The following COL14A1 variants were observed in gnomAD, a reference collection of about 807,000 sequenced individuals.
The protein encoded by COL14A1 is collagen alpha-1(XIV) chain.
A neutral mutation model predicts 230.3 loss-of-function variants in COL14A1; 136 were observed. The ratio of observed to expected loss-of-function variants is 0.59; its 90% CI spans 0.51 to 0.68. COL14A1 has a LOEUF of 0.68. Among genes scored for constraint, COL14A1 ranks in the 30% least tolerant of loss-of-function variants. The pLI is 0.00. For synonymous variants in COL14A1, 792 were observed against 784.1 expected, an observed-to-expected ratio of 1.01 and a Z score of -0.17; for missense variants, 1,976 against 2,215.8, an observed-to-expected ratio of 0.89 and a Z score of 2.17.
chr8:120,243,907 T>C lies in COL14A1; in HGVS notation c.2378T>C (p.Leu793Pro). 10 of 1,613,596 alleles carry C rather than the reference T, an allele frequency of 6.2e-6. No individual in the cohort carries two copies. The highest frequency in any genetic ancestry group is 8.5e-6 in the Non-Finnish European group (10 of 1,179,624). Residue 793 changes from leucine (L) to proline (P), a missense_variant, in exon 20 of 48, where the codon CTC (leucine) becomes CCC (proline). Transcript: ENST00000297848. Reference sequence around the variant, plus strand: ...ATGGTGCCTGGAAGCCAGAACAACCTCCTTCTGAAGCCTCTGCTTCCTGAT... The same window carrying C: ...ATGGTGCCTGGAAGCCAGAACAACCCCCTTCTGAAGCCTCTGCTTCCTGAT... ...TVMVPGSQNN[L>P]LLKPLLPDTE...
intron 20 of COL14A1, 120 bp downstream of exon 20, chr8:120,244,128 C>G: frequency 8.3e-7 from 1 of 1,201,308 alleles, no homozygotes; most frequent in Non-Finnish European, 1.1e-6. Flanking sequence ...GATTTGGGAA[C>G]AGGAAATCTG....
At chr8:120,184,968 C>T (rs966127307) in intron 5 of COL14A1, among the ~76,000 whole-genome samples, 1 of 152,134 alleles carries the variant, frequency 6.6e-6, no homozygotes, top group Non-Finnish European at 1.5e-5. Context: ...GCAGGCACCC[C>T]ATGGCCTAGT....
chr8:120,194,129 C>T (rs947324798), intron 5 of COL14A1, among the ~76,000 whole-genome samples: 16 of 152,336 alleles, frequency 1.1e-4, no homozygotes, highest in African/African-American at 3.6e-4. Flanking sequence ...CAGAAATCAC[C>T]TGTCTTCTGC....
At chr8:120,265,649 G>GTA (rs1033631605) in intron 24 of COL14A1, among the ~76,000 whole-genome samples, 28 of 151,798 alleles carry the variant, frequency 1.8e-4, no homozygotes, top group African/African-American at 6.8e-4. Flanking sequence ...ATATGTGTGT[G>GTA]TGTGTGTGTA....
chr8:120,229,679 A>G (rs1416386115), intron 18 of COL14A1, among the ~76,000 whole-genome samples: 1 of 152,170 alleles, frequency 6.6e-6, no homozygotes. Flanking sequence ...TCCCTGAGGA[A>G]TCGCCACACT....
chr8:120,361,810 C>CG (rs953304113), intron 45 of COL14A1, among the ~76,000 whole-genome samples: 85 of 151,986 alleles, frequency 5.6e-4, no homozygotes, highest in Admixed American at 1.4e-3. Context: ...GTGGTGTGGT[C>CG]GGGGGGGCCA....
intron 1 of COL14A1, among the ~76,000 whole-genome samples, chr8:120,134,665 A>C (rs549592357): frequency 1.1e-4 from 16 of 152,288 alleles, no homozygotes; most frequent in African/African-American, 3.9e-4. Context: ...TAAATACAAA[A>C]ATTTCTCATA....
chr8:120,181,884 G>A (rs572533445), intron 5 of COL14A1, among the ~76,000 whole-genome samples: 36 of 152,204 alleles, frequency 2.4e-4, no homozygotes, highest in African/African-American at 8.2e-4. Flanking sequence ...CCCGGGAGGC[G>A]GAGGTTGCAG....
At chr8:120,167,191 A>T (rs1297708113) in intron 4 of COL14A1, among the ~76,000 whole-genome samples, 1 of 152,156 alleles carries the variant, frequency 6.6e-6, no homozygotes, top group African/African-American at 2.4e-5. Flanking sequence ...AAACCATTTC[A>T]GCAAAGGGAT....
At chr8:120,143,460 A>C (rs1206753810) in intron 1 of COL14A1, among the ~76,000 whole-genome samples, 1 of 152,064 alleles carries the variant, frequency 6.6e-6, no homozygotes, top group Non-Finnish European at 1.5e-5. Context: ...CTGCTAAAAA[A>C]AATATAATAC....
At chr8:120,300,929 T>A (rs1418363850) in intron 36 of COL14A1, 111 bp downstream of exon 36, 1 of 825,542 alleles carries the variant, frequency 1.2e-6, no homozygotes, top group Non-Finnish European at 2.0e-6. Context: ...CTCACTTAAT[T>A]GTAGGAATGC....
rs1820091314 is a variant in COL14A1 at position 120,283,178 on chromosome 8, T to C, written c.3825-458T>C. Reference sequence around the variant, plus strand: ...CTTAATTTTGGAAGGTGGATCTGGATGGTGCAACACAGATGGGAATGCAAT... The same window carrying C: ...CTTAATTTTGGAAGGTGGATCTGGACGGTGCAACACAGATGGGAATGCAAT... On this transcript the variant is annotated intron_variant, in intron 31 of 47. Coordinates refer to ENST00000297848, the MANE Select transcript of COL14A1 (RefSeq NM_021110.4). 2.0e-5 allele frequency among the ~76,000 whole-genome samples: 3 copies of C among 152,162 alleles called. No individual in the cohort carries two copies. The South Asian group carries it at 6.2e-4, about 32-fold the overall frequency.
intron 40 of COL14A1, 35 bp downstream of exon 40, chr8:120,316,032 T>C: frequency 6.2e-7 from 1 of 1,607,820 alleles, no homozygotes; most frequent in Non-Finnish European, 8.5e-7. Context: ...TTTAGCAAAG[T>C]AGTGACCTTT....
At chr8:120,303,129 A>G (rs1820766051) in intron 36 of COL14A1, among the ~76,000 whole-genome samples, 1 of 152,142 alleles carries the variant, frequency 6.6e-6, no homozygotes, top group Non-Finnish European at 1.5e-5. Flanking sequence ...TAGCTGAAGG[A>G]GCTTTTGGGC....
chr8:120,257,947 G>T (rs546947033), intron 23 of COL14A1, among the ~76,000 whole-genome samples: 3 of 152,028 alleles, frequency 2.0e-5, no homozygotes, highest in Non-Finnish European at 2.9e-5. Flanking sequence ...AACCACAACC[G>T]CTGGTCAACT....
rs1378590990 is a variant in COL14A1 at position 120,250,784 on chromosome 8, T to C, written c.2752+18T>C. 5 of 1,613,514 alleles carry C rather than the reference T, an allele frequency of 3.1e-6. No individual in the cohort carries two copies. Among genetic ancestry groups the C allele is most frequent in the South Asian group, 1.1e-5 (1 of 91,026 alleles). Reference sequence around the variant, plus strand: ...GAAAACATGTAAGAGCCATTTCCGATGGCCTCAGCCGCATATGGGTTTTTG... The same window carrying C: ...GAAAACATGTAAGAGCCATTTCCGACGGCCTCAGCCGCATATGGGTTTTTG... On this transcript the variant is annotated intron_variant, in intron 22 of 47. Transcript: ENST00000297848.
intron 19 of COL14A1, among the ~76,000 whole-genome samples, chr8:120,234,774 C>G (rs1027893781): frequency 3.9e-5 from 6 of 152,050 alleles, no homozygotes; most frequent in African/African-American, 1.4e-4. Flanking sequence ...CTGAAATGTT[C>G]TTTTTTTGTT....
intron 5 of COL14A1, among the ~76,000 whole-genome samples, chr8:120,192,622 A>G (rs1167609634): frequency 6.6e-6 from 1 of 152,116 alleles, no homozygotes; most frequent in South Asian, 2.1e-4. Flanking sequence ...GTTCTCCTGG[A>G]TAATATCTTG....
chr8:120,174,623 T>G (rs2130610606), intron 5 of COL14A1, among the ~76,000 whole-genome samples: 1 of 152,274 alleles, frequency 6.6e-6, no homozygotes, highest in East Asian at 1.9e-4. Flanking sequence ...CTGAGCCCAC[T>G]TTCAGGCAGG....
Sources: allele counts gnomAD v4.1 joint callset (sites outside exome capture counted in the v4.1 genomes callset), GRCh38; gene constraint gnomAD v4.1.1; transcripts MANE v1.5; gene names NCBI Gene and HGNC (gene_info 2026-07-23, HGNC 2026-07-21).